Variants in EYA1 observed in about 807,000 individuals in gnomAD.
EYA1 encodes the protein EYA transcriptional coactivator and phosphatase 1.
In EYA1, 16 loss-of-function variants were observed where a neutral mutation model predicts 82.0. The observed-to-expected ratio is 0.20, with a 90% CI of 0.13 to 0.30. The LOEUF (loss-of-function observed/expected upper bound fraction) is 0.30. Among genes scored for constraint, EYA1 ranks in the 10% least tolerant of loss-of-function variants. The probability of loss-of-function intolerance (pLI) is 1.00; values close to 1 mark genes in which losing one functional copy is unlikely to be tolerated. For missense variants in EYA1, 633 were observed against 730.7 expected, an observed-to-expected ratio of 0.87 and a Z score of 1.54; for synonymous variants, 261 against 264.4, an observed-to-expected ratio of 0.99 and a Z score of 0.12.
At chr8:71,417,126 T>G (rs1730373905) in intron 2 of EYA1, among the ~76,000 whole-genome samples, 1 of 152,198 alleles carries the variant, frequency 6.6e-6, no homozygotes, top group South Asian at 2.1e-4. Context: ...TTCTTCAGCT[T>G]TGGGACTCGG....
chr8:71,334,934 C>T (rs541570542), intron 3 of EYA1, among the ~76,000 whole-genome samples: 3 of 152,310 alleles, frequency 2.0e-5, no homozygotes, highest in South Asian at 4.1e-4. Flanking sequence ...AATCCACTCC[C>T]CTGATATGGT....
rs1184744705 is a variant in EYA1, at chr8:71,197,721, T to A, written c.*1619A>T. The A allele has an allele frequency of 6.6e-6, 1 of 152,654 alleles. No individual in the cohort carries two copies. Among genetic ancestry groups the A allele is most frequent in the Admixed American group, 6.5e-5 (1 of 15,280 alleles). The allele number at this position is 152,654 out of a possible 1,614,324, so 9.5% of individuals were successfully genotyped here. ...CACACAACTTCAGAAAAGAATGAAGTAGCTCTTCAACTACTTCGGGTCAAA... is the reference window on the plus strand; with the variant it reads ...CACACAACTTCAGAAAAGAATGAAGAAGCTCTTCAACTACTTCGGGTCAAA... On this transcript the variant is annotated 3_prime_UTR_variant, in exon 18 of 18. Coordinates refer to ENST00000340726, the MANE Select transcript of EYA1 (RefSeq NM_000503.6).
At chr8:71,432,024 C>A (rs1188169071) in intron 2 of EYA1, among the ~76,000 whole-genome samples, 1 of 152,166 alleles carries the variant, frequency 6.6e-6, no homozygotes, top group African/African-American at 2.4e-5. Context: ...CCACTAGTCT[C>A]AGTTACACAA....
At chr8:71,489,877 G>T (rs538614689) in intron 2 of EYA1, among the ~76,000 whole-genome samples, 11 of 152,304 alleles carry the variant, frequency 7.2e-5, no homozygotes, top group African/African-American at 2.2e-4. Flanking sequence ...ATTACTTCCA[G>T]GTTTTAAGAA....
At chr8:71,230,503 G>C (rs967153399) in intron 12 of EYA1, among the ~76,000 whole-genome samples, 2 of 152,214 alleles carry the variant, frequency 1.3e-5, no homozygotes, top group African/African-American at 4.8e-5. Context: ...AGGAGCTCCA[G>C]ATTCTGTTGT....
chr8:71,537,780 A>G (rs1814825964), intron 1 of EYA1, among the ~76,000 whole-genome samples: 1 of 152,134 alleles, frequency 6.6e-6, no homozygotes, highest in African/African-American at 2.4e-5. Flanking sequence ...TCTTTCCCAT[A>G]TTTCCATATT....
intron 2 of EYA1, among the ~76,000 whole-genome samples, chr8:71,509,157 A>G (rs1255572353): frequency 6.6e-6 from 1 of 152,122 alleles, no homozygotes; most frequent in Non-Finnish European, 1.5e-5. Context: ...TGAGCCCAAG[A>G]CGTTGAGGCT....
At chr8:71,508,698 A>G (rs754479661) in intron 2 of EYA1, among the ~76,000 whole-genome samples, 1 of 152,138 alleles carries the variant, frequency 6.6e-6, no homozygotes, top group South Asian at 2.1e-4. Flanking sequence ...ATGAGTTCTC[A>G]TTAGACACAG....
intron 2 of EYA1, among the ~76,000 whole-genome samples, chr8:71,428,323 G>T (rs529602753): frequency 5.9e-5 from 9 of 152,320 alleles, no homozygotes; most frequent in African/African-American, 2.2e-4. Context: ...CTATGTTGTT[G>T]TGTGGCAATG....
At chr8:71,539,206 C>T (rs1338738960) in intron 1 of EYA1, among the ~76,000 whole-genome samples, 1 of 137,432 alleles carries the variant, frequency 7.3e-6, no homozygotes, top group East Asian at 2.3e-4. Context: ...TGCATCAACT[C>T]CTTAAGTAGA....
chr8:71,347,555 C>G (rs181077759), intron 3 of EYA1, among the ~76,000 whole-genome samples: 1 of 152,086 alleles, frequency 6.6e-6, no homozygotes. Flanking sequence ...ATCTCCTGAC[C>G]TTGTGCTCTG....
chr8:71,390,153 T>C (rs933412765), intron 2 of EYA1, among the ~76,000 whole-genome samples: 8 of 152,180 alleles, frequency 5.3e-5, no homozygotes, highest in Non-Finnish European at 1.2e-4. Flanking sequence ...AAAAATATTT[T>C]GGTTATGGTG....
chr8:71,261,243 G>A (rs1394658887), intron 11 of EYA1, among the ~76,000 whole-genome samples: 7 of 152,050 alleles, frequency 4.6e-5, no homozygotes, highest in Non-Finnish European at 7.4e-5. Context: ...AGACCCAAAG[G>A]TTCCATTATT....
chr8:71,346,436 A>ATATC lies in EYA1; in HGVS notation c.124+8345_124+8346insGATA, dbSNP rs1447434859. ...TTTATTTTTTTACTGCAGTGAATAT[A>ATATC]TATATATATATATATATATCTATAT... On this transcript the variant is annotated intron_variant, in intron 3 of 17. Transcript: ENST00000340726. Among the ~76,000 whole-genome samples, 15 of 135,956 alleles carry ATATC rather than the reference A, an allele frequency of 1.1e-4. 1 individual carries two copies. Among genetic ancestry groups the ATATC allele is most frequent in the African/African-American group, 4.4e-4 (15 of 34,250 alleles). 89.2% of individuals were successfully genotyped at this position (135,956 alleles called of 152,430 possible).
At chr8:71,470,895 C>G in intron 2 of EYA1, 2 of 454,566 alleles carry the variant, frequency 4.4e-6, no homozygotes, top group Non-Finnish European at 8.8e-6. Flanking sequence ...GTGGTTGCTC[C>G]AAATGTCGTA....
intron 17 of EYA1, among the ~76,000 whole-genome samples, chr8:71,207,442 C>T (rs1563614040): frequency 6.6e-6 from 1 of 152,114 alleles, no homozygotes; most frequent in African/African-American, 2.4e-5. Context: ...TATTAGAAAT[C>T]GAGATATTGT....
At chr8:71,243,484 T>C (rs1357001477) in intron 12 of EYA1, among the ~76,000 whole-genome samples, 1 of 152,216 alleles carries the variant, frequency 6.6e-6, no homozygotes, top group Non-Finnish European at 1.5e-5. Context: ...AAAAATTTTG[T>C]ATTTTACCCT....
chr8:71,349,665 T>A (rs1280587169), intron 3 of EYA1, among the ~76,000 whole-genome samples: 1 of 152,180 alleles, frequency 6.6e-6, no homozygotes, highest in African/African-American at 2.4e-5. Flanking sequence ...CTATGTTACG[T>A]CCTCACAGAA....
rs77784237 is a variant in EYA1, at chr8:71,262,349, G to C, written c.1050+7391C>G. On this transcript the variant is annotated intron_variant, in intron 11 of 17. Transcript: ENST00000340726. ...TTTTTGCTTATGATTTCTGCCACTTGTAATTCTCTGTTTCCCACTCCCTCT... is the reference window on the plus strand; with the variant it reads ...TTTTTGCTTATGATTTCTGCCACTTCTAATTCTCTGTTTCCCACTCCCTCT... 9.9e-3 allele frequency among the ~76,000 whole-genome samples: 1,513 copies of C among 152,246 alleles called. 72 individuals are homozygous for C. The highest frequency in any genetic ancestry group is 0.071 in the Admixed American group (1,090 of 15,282).
Sources: gnomAD v4.1 joint callset for allele counts (sites outside exome capture counted in the v4.1 genomes callset) on GRCh38, gnomAD v4.1.1 for gene constraint, MANE v1.5 for transcripts, NCBI Gene and HGNC (gene_info 2026-07-23, HGNC 2026-07-21) for gene names.